The following AFF3 variants were observed in gnomAD, a reference collection of about 807,000 sequenced individuals.
AFF3 encodes AF4/FMR2 family member 3.
Under a neutral mutation model 129.7 loss-of-function variants are expected in AFF3, and 32 were observed. That is an observed-to-expected ratio of 0.25 (90% confidence interval 0.19 to 0.33). The LOEUF (loss-of-function observed/expected upper bound fraction) is 0.33, where lower values mean the gene tolerates loss of function less well. Among genes scored for constraint, AFF3 ranks in the 10% least tolerant of loss-of-function variants. The probability of loss-of-function intolerance (pLI) is 1.00; values close to 1 mark genes in which losing one functional copy is unlikely to be tolerated. For missense variants in AFF3, 1,373 were observed against 1,592.0 expected (o/e 0.86, Z 2.34); for synonymous variants, 644 against 635.4 (o/e 1.01, Z -0.20).
At chr2:99,597,751 C>T (rs542791712) in intron 14 of AFF3, among the ~76,000 whole-genome samples, 5 of 152,368 alleles carry the variant, frequency 3.3e-5, no homozygotes, top group African/African-American at 1.2e-4. Flanking sequence ...TGCGGCTGGC[C>T]ACAGTCCGCC....
intron 12 of AFF3, among the ~76,000 whole-genome samples, chr2:99,664,340 C>T (rs918999055): frequency 1.2e-4 from 19 of 152,182 alleles, no homozygotes; most frequent in Non-Finnish European, 2.1e-4. Flanking sequence ...TGGTCACAAC[C>T]CCAGCACTAG....
intron 4 of AFF3, among the ~76,000 whole-genome samples, chr2:100,042,764 T>C (rs373978283): frequency 5.3e-4 from 81 of 152,220 alleles, no homozygotes; most frequent in African/African-American, 1.8e-3. Context: ...TGAGGAACTT[T>C]ATGAAGTTTC....
At position 99,853,477 on chromosome 2, in the gene AFF3, T is replaced by A. The variant is rs573725668; in HGVS notation, c.874-15953A>T. On this transcript the variant is annotated intron_variant, in intron 7 of 24. Transcript: ENST00000672756. ...GACTCTATATAAATTGTTGAACACA[T>A]CTTGTTTTAGGTTTATTGATTTCTC... 4.6e-5 allele frequency among the ~76,000 whole-genome samples: 7 copies of A among 152,304 alleles called. No individual in the cohort carries two copies. The East Asian group carries it at 1.3e-3, about 29-fold the overall frequency.
At chr2:99,593,163 C>A (rs762923658) in intron 15 of AFF3, 32 bp downstream of exon 15, 2 of 1,531,054 alleles carry the variant, frequency 1.3e-6, no homozygotes, top group South Asian at 2.6e-5. Flanking sequence ...TTCCCCTCCA[C>A]GCCCCCGCAC....
At chr2:99,955,832 CT>C (rs1440486140) in intron 7 of AFF3, among the ~76,000 whole-genome samples, 1 of 152,128 alleles carries the variant, frequency 6.6e-6, no homozygotes, top group Non-Finnish European at 1.5e-5. Flanking sequence ...GTACAAAAAT[CT>C]CTCCTTTTGG....
chr2:99,672,508 A>C, intron 12 of AFF3, 30 bp downstream of exon 12: 2 of 1,606,716 alleles, frequency 1.2e-6, no homozygotes, highest in Non-Finnish European at 1.7e-6. Flanking sequence ...TGTCACCTCC[A>C]AAGGATGATG....
At chr2:99,637,065 G>C (rs928645869) in intron 13 of AFF3, among the ~76,000 whole-genome samples, 10 of 152,200 alleles carry the variant, frequency 6.6e-5, no homozygotes, top group Admixed American at 2.6e-4. Context: ...GTGGGAAAAG[G>C]GGGGAAATGG....
intron 7 of AFF3, among the ~76,000 whole-genome samples, chr2:99,840,459 T>C (rs1455234477): frequency 6.6e-6 from 1 of 152,242 alleles, no homozygotes; most frequent in Admixed American, 6.5e-5. Context: ...CAACAAAATG[T>C]GCAAGGCACA....
chr2:99,894,840 C>A (rs899377355), intron 7 of AFF3, among the ~76,000 whole-genome samples: 1 of 152,150 alleles, frequency 6.6e-6, no homozygotes, highest in African/African-American at 2.4e-5. Flanking sequence ...AAACATCACA[C>A]AGTACAAAAG....
intron 15 of AFF3, among the ~76,000 whole-genome samples, chr2:99,587,727 T>C (rs1275704454): frequency 6.6e-6 from 1 of 152,134 alleles, no homozygotes; most frequent in Non-Finnish European, 1.5e-5. Flanking sequence ...AAATTCTTGC[T>C]TTGGCCAGGT....
At chr2:99,901,954 T>A (rs767015337) in intron 7 of AFF3, among the ~76,000 whole-genome samples, 3 of 151,446 alleles carry the variant, frequency 2.0e-5, no homozygotes, top group Non-Finnish European at 2.9e-5. Context: ...CGTTCCGGCC[T>A]CTTTCCACGC....
chr2:99,787,543 C>T (rs1336876041), intron 8 of AFF3, among the ~76,000 whole-genome samples: 1 of 152,216 alleles, frequency 6.6e-6, no homozygotes, highest in African/African-American at 2.4e-5. Context: ...CCACAGACAG[C>T]ATACATCTCT....
chr2:99,912,718 G>A (rs1228479689), intron 7 of AFF3, among the ~76,000 whole-genome samples: 1 of 152,128 alleles, frequency 6.6e-6, no homozygotes, highest in Non-Finnish European at 1.5e-5. Flanking sequence ...ATAACATAGG[G>A]AAACAAATTC....
At chr2:99,959,806 A>G (rs1284347402) in intron 7 of AFF3, among the ~76,000 whole-genome samples, 2 of 151,346 alleles carry the variant, frequency 1.3e-5, no homozygotes, top group Admixed American at 1.3e-4. Context: ...CGCTCTTGCT[A>G]AATCCATGTT....
At chr2:99,716,419 C>T (rs1678388588) in intron 11 of AFF3, among the ~76,000 whole-genome samples, 1 of 152,098 alleles carries the variant, frequency 6.6e-6, no homozygotes, top group African/African-American at 2.4e-5. Flanking sequence ...TTAATAAACA[C>T]AGGGACATTA....
chr2:99,951,810 T>A (rs1371861824), intron 7 of AFF3, among the ~76,000 whole-genome samples: 1 of 152,168 alleles, frequency 6.6e-6, no homozygotes, highest in Non-Finnish European at 1.5e-5. Flanking sequence ...CAGGCCTGGC[T>A]AATTTTCATA....
chr2:99,985,519 TAATGA>T (rs1347634238), intron 7 of AFF3, among the ~76,000 whole-genome samples: 1 of 152,150 alleles, frequency 6.6e-6, no homozygotes, highest in African/African-American at 2.4e-5. Flanking sequence ...GAAATAAAAC[TAATGA>T]AATGATAAAA....
At chr2:100,139,040 T>C (rs1322190770) in intron 1 of AFF3, among the ~76,000 whole-genome samples, 2 of 151,778 alleles carry the variant, frequency 1.3e-5, no homozygotes, top group African/African-American at 4.8e-5. Context: ...GTAGAATGCC[T>C]TTCTGTTTGC....
intron 7 of AFF3, among the ~76,000 whole-genome samples, chr2:99,902,267 G>A (rs1392947668): frequency 6.6e-6 from 1 of 151,926 alleles, no homozygotes; most frequent in Non-Finnish European, 1.5e-5. Context: ...GCTACAATTA[G>A]TATTGACTTG....
Sources: allele counts gnomAD v4.1 joint callset (sites outside exome capture counted in the v4.1 genomes callset), GRCh38; gene constraint gnomAD v4.1.1; transcripts MANE v1.5; gene names NCBI Gene and HGNC (gene_info 2026-07-23, HGNC 2026-07-21).